TRRAP: variants seen among roughly 807,000 people sequenced by gnomAD.
TRRAP encodes the protein transformation/transcription domain-associated protein.
A neutral mutation model predicts 438.8 loss-of-function variants in TRRAP; 41 were observed. That is an observed-to-expected ratio of 0.09 (90% CI 0.07 to 0.12). The LOEUF is 0.12. Ranked by LOEUF, TRRAP falls within the 10% of genes least tolerant of loss-of-function variation. The pLI is 1.00. For missense variants in TRRAP, 3,122 were observed against 5,055.1 expected (o/e 0.62, Z 11.60); for synonymous variants, 1,994 against 1,962.9 (o/e 1.02, Z -0.42).
chr7:98,897,671 G>GTT lies in TRRAP; in HGVS notation c.508-67_508-66dup, dbSNP rs1244651119. The GTT allele has an allele frequency of 3.8e-5, 56 of 1,455,132 alleles. No individual in the cohort carries two copies. In the East Asian group the frequency reaches 5.6e-4, roughly 15 times the overall value. The allele number at this position is 1,455,132 out of a possible 1,614,324, so 90.1% of individuals were successfully genotyped here. On this transcript the variant is annotated intron_variant, in intron 7 of 72. Transcript: ENST00000456197. ...GTCAAGCGTCTTTTTGTTTTGTTTT[G>GTT]TTTTGTTTTGTTTTTGAATGAATAT... is the stretch of plus-strand genomic sequence containing the variant.
At position 98,897,960 on chromosome 7, in the gene TRRAP, G is replaced by A. The variant is rs1034689809; in HGVS notation, c.633+94G>A. 8 of 1,577,320 alleles carry A rather than the reference G, an allele frequency of 5.1e-6. No individual in the cohort carries two copies. The Admixed American group carries it at 6.9e-5, about 14-fold the overall frequency. ...TTTTTTTTCTCTTAAATACTTGGAG[G>A]CATTTAAGACAAACGTGTGTGCCTG... is the stretch of plus-strand genomic sequence containing the variant. On this transcript the variant is annotated intron_variant, in intron 8 of 72. Transcript: ENST00000456197.
chr7:98,941,791 C>T (rs1380542930), intron 30 of TRRAP, among the ~76,000 whole-genome samples: 2 of 152,124 alleles, frequency 1.3e-5, no homozygotes, highest in Admixed American at 6.5e-5. Context: ...CGCACGATGT[C>T]GGTGTTTCAT....
intron 21 of TRRAP, among the ~76,000 whole-genome samples, chr7:98,923,431 A>G (rs1476226137): frequency 6.6e-6 from 1 of 152,206 alleles, no homozygotes; most frequent in East Asian, 1.9e-4. Flanking sequence ...GCTCATAGCT[A>G]AGGAGCCCAT....
rs772886903 is a variant in TRRAP, at chr7:98,970,176, C to T, written c.7577C>T (p.Pro2526Leu). The T allele has an allele frequency of 5.0e-6, 8 of 1,613,948 alleles. No individual in the cohort carries two copies. The highest frequency in any genetic ancestry group is 2.2e-5 in the South Asian group (2 of 91,080). Reference sequence around the variant, plus strand: ...ACCAGCTGCCAAGGAGCCATGCTCCCGTCCATCACCAACGTCATCAACCTG... The same window carrying T: ...ACCAGCTGCCAAGGAGCCATGCTCCTGTCCATCACCAACGTCATCAACCTG... ...IGTSCQGAML[P>L]SITNVINLAD... Residue 2526 changes from proline to leucine, a missense_variant, in exon 52 of 73, where the codon CCG becomes CTG. Physicochemically the swap from Pro to Leu is moderately conservative, Grantham distance 98. Transcript: ENST00000456197.
At position 98,981,840 on chromosome 7, in the gene TRRAP, C is replaced by G; in HGVS notation, c.8706C>G (p.His2902Gln). 6.2e-7 allele frequency: 1 copy of G among 1,606,254 alleles called. No homozygotes were observed. Among genetic ancestry groups the G allele is most frequent in the African/African-American group, 1.3e-5 (1 of 74,966 alleles). The change falls in exon 59 of 73, where the codon CAC becomes CAG. Residue 2902 changes from histidine (H) to glutamine (Q), a missense_variant. Transcript: ENST00000456197. ...NMYRGYLAIC[H>Q]PEEQQLSFIE... Reference sequence around the variant, plus strand: ...ACCGCGGATACCTGGCCATCTGCCACCCCGAGGAGCAGCAGCTCAGCTTCA... The same window carrying G: ...ACCGCGGATACCTGGCCATCTGCCAGCCCGAGGAGCAGCAGCTCAGCTTCA...
Position 99,012,428 on chromosome 7 carries a change from C to T in TRRAP, c.*73C>T. The stretch of plus-strand genomic sequence containing the variant: ...GAGCCCGCAGCTTTTACGACTTCTC[C>T]CTGCCTCGTTCCTTATATTCACAGA... On this transcript the variant is annotated 3_prime_UTR_variant, in exon 73 of 73. Coordinates refer to ENST00000456197, the MANE Select transcript of TRRAP (RefSeq NM_001375524.1). This position sits in a 1 kb window ranked among gnomAD's most constrained non-coding sequence, Gnocchi z 5.9. 6.8e-7 allele frequency: 1 copy of T among 1,468,302 alleles called. No homozygotes were observed. The highest frequency in any genetic ancestry group is 9.1e-7 in the Non-Finnish European group (1 of 1,098,648). The allele number at this position is 1,468,302 out of a possible 1,614,324, so 91.0% of individuals were successfully genotyped here.
intron 52 of TRRAP, 35 bp from the exon 53 acceptor site, chr7:98,971,764 G>T: frequency 6.2e-7 from 1 of 1,604,944 alleles, no homozygotes; most frequent in South Asian, 1.1e-5. Context: ...TGAAGCCTTT[G>T]ACCTTTTGGT....
intron 23 of TRRAP, among the ~76,000 whole-genome samples, chr7:98,927,948 A>T (rs1554411885): frequency 1.3e-5 from 2 of 152,134 alleles, no homozygotes; most frequent in African/African-American, 4.8e-5. Flanking sequence ...TGTAAAAGAC[A>T]ATAAAAATGG....
chr7:98,999,237 C>G (rs1218481318), intron 67 of TRRAP: 1 of 1,186,406 alleles, frequency 8.4e-7, no homozygotes, highest in African/African-American at 1.5e-5. Context: ...GAAGTACATG[C>G]ATTCACTGCC....
intron 17 of TRRAP, among the ~76,000 whole-genome samples, chr7:98,911,608 A>G (rs1039299287): frequency 1.6e-4 from 24 of 152,094 alleles, no homozygotes; most frequent in African/African-American, 5.6e-4. Flanking sequence ...TCTACAAAAA[A>G]TACAAAAATT....
At chr7:98,944,549 A>G (rs1315241835) in intron 31 of TRRAP, among the ~76,000 whole-genome samples, 7 of 152,058 alleles carry the variant, frequency 4.6e-5, no homozygotes, top group African/African-American at 1.7e-4. Flanking sequence ...TCTGAAACTC[A>G]GAGGCTATGG....
rs782285871 is a variant in TRRAP, at chr7:98,892,459, A to G, written c.297A>G (p.Arg99=). ...LRKLVLEIIH[R]IPTNEHLRPH... ...AGCTCGTACTTGAAATAATTCATAG[A>G]ATACCAACCAACGAACATCTTCGTC... The change falls in exon 5 of 73, where the codon AGA becomes AGG. Residue 99 remains arginine (R), a synonymous_variant. Transcript: ENST00000456197. 1.9e-5 allele frequency: 31 copies of G among 1,611,838 alleles called. No individual in the cohort carries two copies. The highest frequency in any genetic ancestry group is 2.5e-5 in the Non-Finnish European group (30 of 1,179,650).
chr7:98,947,185 G>A (rs1791122275), intron 33 of TRRAP, among the ~76,000 whole-genome samples: 1 of 152,248 alleles, frequency 6.6e-6, no homozygotes, highest in Non-Finnish European at 1.5e-5. Context: ...AATGACAGGA[G>A]CAAAACTGGA....
At chr7:98,912,256 TTTA>T in intron 18 of TRRAP, 43 bp downstream of exon 18, 2 of 1,588,598 alleles carry the variant, frequency 1.3e-6, no homozygotes, top group Non-Finnish European at 1.7e-6. Flanking sequence ...TTCAGGGTTT[TTTA>T]TTGTTGTTAG....
In TRRAP at chr7:98,897,854, T is replaced by C; in HGVS notation, c.621T>C (p.Ser207=). The C allele has an allele frequency of 1.2e-6, 2 of 1,614,060 alleles. No individual in the cohort carries two copies. Among genetic ancestry groups the C allele is most frequent in the Non-Finnish European group, 1.7e-6 (2 of 1,179,994 alleles). Reference sequence around the variant, plus strand: ...AAGTCAACCCGGAGCGTGAGGACAGTGAGACTCGAACAGTAAGTGTTTCGC... The same window carrying C: ...AAGTCAACCCGGAGCGTGAGGACAGCGAGACTCGAACAGTAAGTGTTTCGC... ...AVKVNPERED[S]ETRTHSIIPR... is the part of the protein sequence containing the mutation. Residue 207 remains serine, a synonymous_variant, in exon 8 of 73, where the codon AGT becomes AGC. Transcript: ENST00000456197.
chr7:98,995,572 A>C (rs2116818518), intron 67 of TRRAP, among the ~76,000 whole-genome samples: 1 of 151,936 alleles, frequency 6.6e-6, no homozygotes, highest in Admixed American at 6.5e-5. Flanking sequence ...TTATGTTGTG[A>C]TGTGAGGAAA....
rs1790592714 is a variant in TRRAP at position 98,937,142 on chromosome 7, T to A, written c.4112-14T>A. ...CAGTTAATAATGGAATTGTCTTGAT[T>A]TCTCTCCCTGAAGATGCACTTGCTG... On this transcript the variant is annotated splice_polypyrimidine_tract_variant and intron_variant, in intron 28 of 72. Coordinates refer to ENST00000456197, the MANE Select transcript of TRRAP (RefSeq NM_001375524.1). 2 of 1,591,288 alleles carry A rather than the reference T, an allele frequency of 1.3e-6. No individual in the cohort carries two copies. Among genetic ancestry groups the A allele is most frequent in the Admixed American group, 1.9e-5 (1 of 53,834 alleles).
chr7:98,924,489 C>T (rs1445884105), intron 21 of TRRAP, among the ~76,000 whole-genome samples: 1 of 152,050 alleles, frequency 6.6e-6, no homozygotes, highest in Non-Finnish European at 1.5e-5. Context: ...TGATTGAGAC[C>T]ATCCTGGCTA....
At chr7:98,996,166 G>A (rs976086354) in intron 67 of TRRAP, among the ~76,000 whole-genome samples, 23 of 151,044 alleles carry the variant, frequency 1.5e-4, no homozygotes, top group African/African-American at 3.4e-4. Context: ...TTACACACGC[G>A]TGTCCCCGCG....
Sources: allele counts gnomAD v4.1 joint callset (sites outside exome capture counted in the v4.1 genomes callset), GRCh38; gene constraint gnomAD v4.1.1; non-coding constraint Gnocchi (gnomAD v3.1); transcripts MANE v1.5; gene names NCBI Gene and HGNC (gene_info 2026-07-23, HGNC 2026-07-21).